Variants in NDST4 observed in about 807,000 individuals in gnomAD.
NDST4 encodes N-heparan sulfate sulfotransferase 4.
Under a neutral mutation model 100.8 loss-of-function variants are expected in NDST4, and 63 were observed. The ratio of observed to expected loss-of-function variants is 0.62; its 90% CI spans 0.51 to 0.77. The LOEUF (loss-of-function observed/expected upper bound fraction) is 0.77. Among genes scored for constraint, NDST4 ranks in the 30% least tolerant of loss-of-function variants. NDST4 has a pLI of 0.00. For synonymous variants in NDST4, 377 were observed against 361.8 expected (o/e 1.04, Z -0.48); for missense variants, 943 against 1,018.4 (o/e 0.93, Z 1.01).
intron 2 of NDST4, among the ~76,000 whole-genome samples, chr4:115,011,732 T>G (rs1200545373): frequency 6.6e-6 from 1 of 151,952 alleles, no homozygotes; most frequent in East Asian, 1.9e-4. Flanking sequence ...CTTACTTTAT[T>G]TTATATTCCA....
chr4:115,017,876 A>T (rs1392401244), intron 2 of NDST4, among the ~76,000 whole-genome samples: 1 of 151,910 alleles, frequency 6.6e-6, no homozygotes, highest in African/African-American at 2.4e-5. Flanking sequence ...CATGCAGAGG[A>T]TAGTAGAGAA....
intron 6 of NDST4, among the ~76,000 whole-genome samples, chr4:114,916,534 CTCTGTGTGTGTGTGTGTG>C (rs1325877995): frequency 5.7e-5 from 7 of 123,418 alleles, no homozygotes; most frequent in Non-Finnish European, 9.8e-5. Context: ...TCCTGGTAGG[CTCTGTGTGTGTGTGTGTG>C]TGTGTGTGTG....
At position 115,049,187 on chromosome 4, in the gene NDST4, G is replaced by A. The variant is rs146388443; in HGVS notation, c.978+26872C>T. ...AACAACATTTTGAAACTTTGGTTTC[G>A]CAGCCCAGAGATGATAAACCTTCAG... On this transcript the variant is annotated intron_variant, in intron 2 of 13. Transcript: ENST00000264363. 8.5e-3 allele frequency among the ~76,000 whole-genome samples: 1,300 copies of A among 152,062 alleles called. 10 individuals are homozygous for A. The highest frequency in any genetic ancestry group is 0.018 in the African/African-American group (749 of 41,468).
At position 115,010,200 on chromosome 4, in the gene NDST4, G is replaced by A. The variant is rs1287176986; in HGVS notation, c.979-32926C>T. Reference sequence around the variant, plus strand: ...CCCATTACTGGGTATATACCCAACGGACTATAAATCATGCTGCTATAAAGA... The same window carrying A: ...CCCATTACTGGGTATATACCCAACGAACTATAAATCATGCTGCTATAAAGA... On this transcript the variant is annotated intron_variant, in intron 2 of 13. Coordinates refer to ENST00000264363, the MANE Select transcript of NDST4 (RefSeq NM_022569.3). Among the ~76,000 whole-genome samples, 5 of 127,188 alleles carry A rather than the reference G, an allele frequency of 3.9e-5. No homozygotes were observed. The Admixed American group carries it at 4.0e-4, about 10-fold the overall frequency. 83.4% of individuals were successfully genotyped at this position (127,188 alleles called of 152,430 possible).
chr4:114,981,643 C>T (rs1052580137), intron 2 of NDST4, among the ~76,000 whole-genome samples: 10 of 152,062 alleles, frequency 6.6e-5, no homozygotes, highest in Non-Finnish European at 1.5e-4. Context: ...ATAGCTTCAA[C>T]CTGGAGATCA....
rs114898452 is a variant in NDST4, at chr4:115,022,745, G to A, written c.979-45471C>T. Among the ~76,000 whole-genome samples the A allele has an allele frequency of 2.3e-3, 348 of 152,068 alleles. 1 individual carries two copies. The highest frequency in any genetic ancestry group is 8.1e-3 in the African/African-American group (335 of 41,502). ...TGGGAGGTGATTGAATTATGAGGGC[G>A]GGTCTTTCCTGTGCTGGTCTCATGA... On this transcript the variant is annotated intron_variant, in intron 2 of 13. Coordinates refer to ENST00000264363, the MANE Select transcript of NDST4 (RefSeq NM_022569.3).
intron 6 of NDST4, among the ~76,000 whole-genome samples, chr4:114,922,429 C>T (rs1401337709): frequency 1.3e-5 from 2 of 152,266 alleles, no homozygotes; most frequent in African/African-American, 2.4e-5. Context: ...GTGGAAAAAT[C>T]GGGCGAGAAG....
intron 12 of NDST4, 112 bp from the exon 13 acceptor site, chr4:114,830,004 A>C (rs1012453684): frequency 1.4e-6 from 1 of 730,130 alleles, no homozygotes; most frequent in Middle Eastern, 2.4e-4. Context: ...ATTTAATTTA[A>C]TTCATTTTTA....
intron 2 of NDST4, among the ~76,000 whole-genome samples, chr4:115,012,962 A>G (rs1321964600): frequency 6.6e-6 from 1 of 151,840 alleles, no homozygotes; most frequent in Non-Finnish European, 1.5e-5. Context: ...CAGAAGGGCA[A>G]ACTTCGCATG....
At chr4:114,950,793 A>AT (rs952186016) in intron 4 of NDST4, among the ~76,000 whole-genome samples, 11 of 150,480 alleles carry the variant, frequency 7.3e-5, no homozygotes, top group Non-Finnish European at 1.0e-4. Context: ...TCAGTTGTTC[A>AT]TTTTTTTTTC....
intron 4 of NDST4, among the ~76,000 whole-genome samples, chr4:114,967,328 G>T (rs1337098376): frequency 2.0e-5 from 3 of 152,008 alleles, no homozygotes; most frequent in Non-Finnish European, 2.9e-5. Flanking sequence ...AATACAATAA[G>T]ATTTTTTACA....
At chr4:114,848,383 C>A (rs1279262084) in intron 8 of NDST4, 45 bp from the exon 9 acceptor site, 2 of 1,379,846 alleles carry the variant, frequency 1.4e-6, no homozygotes, top group Middle Eastern at 2.1e-4. Context: ...CAATAAGAGA[C>A]AAAATATTAT....
chr4:114,981,297 C>T (rs1560842220), intron 2 of NDST4, among the ~76,000 whole-genome samples: 1 of 152,070 alleles, frequency 6.6e-6, no homozygotes, highest in Non-Finnish European at 1.5e-5. Flanking sequence ...GAGAGTCCAA[C>T]TTTGCCCCTA....
intron 1 of NDST4, among the ~76,000 whole-genome samples, chr4:115,082,304 G>A (rs1729321041): frequency 6.6e-6 from 1 of 152,118 alleles, no homozygotes; most frequent in South Asian, 2.1e-4. Flanking sequence ...TTTTCAAAAT[G>A]TGTTTAGAGA....
chr4:115,025,631 T>C (rs1241864617), intron 2 of NDST4, among the ~76,000 whole-genome samples: 4 of 152,138 alleles, frequency 2.6e-5, no homozygotes, highest in Admixed American at 1.3e-4. Flanking sequence ...TCCATCAGCA[T>C]GCTACAATGT....
rs778578559 is a variant in NDST4 at position 114,839,413 on chromosome 4, T to C, written c.2251A>G (p.Ile751Val). The change falls in exon 11 of 14, where the codon ATA (isoleucine) becomes GTA (valine). Residue 751 changes from isoleucine (I) to valine (V), a missense_variant. By Grantham distance (29) the Ile-to-Val change is conservative. Around this residue, in one of 2 missense-constraint regions of NDST4, gnomAD observed 526 missense variants for 634.1 expected, o/e 0.83. Coordinates refer to ENST00000264363, the MANE Select transcript of NDST4 (RefSeq NM_022569.3). ...GCAAAGTAAGTTAGCCATCTTTCTA[T>C]GTGGACTGCATACCATCCAGGTACT... The part of the protein sequence containing the change: ...CLVPGWYAVH[I>V]ERWLTYFATS... 2.0e-5 allele frequency: 32 copies of C among 1,613,006 alleles called. 2 individuals carry two copies. In the South Asian group the frequency reaches 3.4e-4, roughly 17 times the overall value.
At chr4:115,073,700 C>T (rs970862596) in intron 2 of NDST4, among the ~76,000 whole-genome samples, 1 of 151,820 alleles carries the variant, frequency 6.6e-6, no homozygotes, top group African/African-American at 2.4e-5. Flanking sequence ...CACAAAATTT[C>T]ATTTTGATTG....
intron 6 of NDST4, among the ~76,000 whole-genome samples, chr4:114,891,786 C>T (rs1310227720): frequency 6.6e-6 from 1 of 152,092 alleles, no homozygotes; most frequent in Admixed American, 6.6e-5. Context: ...GAGGTTGCTT[C>T]AAAACTATTT....
At chr4:115,022,473 G>GTTCCATATATATATA (rs1727876246) in intron 2 of NDST4, among the ~76,000 whole-genome samples, 13 of 63,366 alleles carry the variant, frequency 2.1e-4, no homozygotes, top group African/African-American at 8.1e-4. Flanking sequence ...CCATATATAT[G>GTTCCATATATATATA]TGTTCCATAT....
Sources: gnomAD v4.1 joint callset for allele counts (sites outside exome capture counted in the v4.1 genomes callset) on GRCh38, gnomAD v4.1.1 for gene constraint, gnomAD v4.1.1 regional missense constraint, MANE v1.5 for transcripts, NCBI Gene and HGNC (gene_info 2026-07-23, HGNC 2026-07-21) for gene names.